Variants in GSTCD observed in about 807,000 individuals in gnomAD.
GSTCD encodes the protein glutathione S-transferase C-terminal domain containing.
A neutral mutation model predicts 68.3 loss-of-function variants in GSTCD; 44 were observed. That is an observed-to-expected ratio of 0.64 (90% CI 0.51 to 0.83). The LOEUF is 0.83. GSTCD is among the 40% of genes least tolerant of loss of function. GSTCD has a pLI of 0.00. For synonymous variants in GSTCD, 273 were observed against 255.2 expected, an observed-to-expected ratio of 1.07 and a Z score of -0.67; for missense variants, 739 against 735.9, an observed-to-expected ratio of 1.00 and a Z score of -0.05.
Position 105,717,715 on chromosome 4 carries a change from T to A in GSTCD, c.102T>A (p.Thr34=). ...TCTTTCCTCTTCATACATCTGTAAC[T>A]TTATTTCTGTTATCTTACTGTGACT... ...GCIFPLHTSV[T]LFLLSYCDCK... is the part of the protein sequence containing the mutation. Residue 34 remains threonine (T), a synonymous_variant, in exon 2 of 12, where the codon ACT becomes ACA. Coordinates refer to ENST00000515279, the MANE Select transcript of GSTCD (RefSeq NM_001370181.1). 6.2e-7 allele frequency: 1 copy of A among 1,613,550 alleles called. No individual in the cohort carries two copies.
intron 5 of GSTCD, among the ~76,000 whole-genome samples, chr4:105,785,351 TA>T (rs574887720): frequency 7.1e-4 from 106 of 149,638 alleles, no homozygotes; most frequent in African/African-American, 2.4e-3. Context: ...AGCAACAGAT[TA>T]AAAAAAAAAT....
chr4:105,754,808 A>T (rs1215840933), intron 5 of GSTCD, among the ~76,000 whole-genome samples: 1 of 152,078 alleles, frequency 6.6e-6, no homozygotes, highest in Non-Finnish European at 1.5e-5. Context: ...TAACAACTTC[A>T]TTGACTAAAT....
At chr4:105,801,182 G>C (rs1319810478) in intron 5 of GSTCD, among the ~76,000 whole-genome samples, 1 of 152,124 alleles carries the variant, frequency 6.6e-6, no homozygotes, top group Non-Finnish European at 1.5e-5. Flanking sequence ...CCTCAGCTAG[G>C]ACTGCTTCTC....
At chr4:105,732,786 A>G (rs904706775) in intron 5 of GSTCD, among the ~76,000 whole-genome samples, 101 of 151,976 alleles carry the variant, frequency 6.6e-4, no homozygotes, top group African/African-American at 2.3e-3. Context: ...TGATGTTAGG[A>G]TGTCAATTTT....
chr4:105,839,347 G>A (rs1213358856), intron 10 of GSTCD, among the ~76,000 whole-genome samples: 1 of 152,152 alleles, frequency 6.6e-6, no homozygotes, highest in Non-Finnish European at 1.5e-5. Flanking sequence ...AATAAATTGA[G>A]AAAACAGCCC....
In GSTCD at chr4:105,834,596, T is replaced by G. The variant is rs1724037181; in HGVS notation, c.1664+2T>G. ...CTCAAAGTTCAATTTTCCAAAAAGG[T>G]GAGAAATTCAGTGTTCTACATAAGA... On this transcript the variant is annotated splice_donor_variant, in intron 9 of 11. Coordinates refer to ENST00000515279, the MANE Select transcript of GSTCD (RefSeq NM_001370181.1). LOFTEE classifies it high-confidence loss of function. 1 of 1,613,802 alleles carries G rather than the reference T, an allele frequency of 6.2e-7. No individual in the cohort carries two copies. The highest frequency in any genetic ancestry group is 8.5e-7 in the Non-Finnish European group (1 of 1,179,800).
rs115027763 is a variant in GSTCD at position 105,711,523 on chromosome 4, A to G, written c.-22+2507A>G. 8.5e-3 allele frequency among the ~76,000 whole-genome samples: 1,289 copies of G among 152,322 alleles called. 20 individuals are homozygous for G. The highest frequency in any genetic ancestry group is 0.029 in the African/African-American group (1,215 of 41,566). On this transcript the variant is annotated intron_variant, in intron 1 of 11. Coordinates refer to ENST00000515279, the MANE Select transcript of GSTCD (RefSeq NM_001370181.1). ...GGGTTTTGCCCATCAAGGTTTGCATATTTTAATAGTGCCAGTTGATAAGGA... is the reference window on the plus strand; with the variant it reads ...GGGTTTTGCCCATCAAGGTTTGCATGTTTTAATAGTGCCAGTTGATAAGGA...
At chr4:105,819,508 G>T (rs1723171246) in intron 5 of GSTCD, among the ~76,000 whole-genome samples, 1 of 151,540 alleles carries the variant, frequency 6.6e-6, no homozygotes, top group Admixed American at 6.6e-5. Flanking sequence ...ATGAGTATTG[G>T]GCATATAAGT....
intron 5 of GSTCD, among the ~76,000 whole-genome samples, chr4:105,737,025 T>A (rs1328604679): frequency 6.6e-6 from 1 of 152,214 alleles, no homozygotes; most frequent in African/African-American, 2.4e-5. Flanking sequence ...ATATCTTGCC[T>A]ATTGTGAATA....
intron 5 of GSTCD, among the ~76,000 whole-genome samples, chr4:105,742,221 T>C (rs541632775): frequency 6.6e-6 from 1 of 152,328 alleles, no homozygotes; most frequent in African/African-American, 2.4e-5. Context: ...CATCCTCTGC[T>C]CTTACCCATT....
At chr4:105,756,833 A>T (rs1734215340) in intron 5 of GSTCD, among the ~76,000 whole-genome samples, 1 of 152,074 alleles carries the variant, frequency 6.6e-6, no homozygotes, top group South Asian at 2.1e-4. Flanking sequence ...CGTGAGAGTA[A>T]GTTACATGCA....
intron 5 of GSTCD, among the ~76,000 whole-genome samples, chr4:105,751,859 G>A (rs1734020738): frequency 6.6e-6 from 1 of 152,096 alleles, no homozygotes; most frequent in Non-Finnish European, 1.5e-5. Context: ...AAAAATGACT[G>A]AGTGAATGAG....
Position 105,834,485 on chromosome 4 carries a change from G to T in GSTCD, c.1555G>T (p.Ala519Ser). ...IGVALHACGVATDMVIEHCIK... is the reference protein window; with the variant it reads ...IGVALHACGVSTDMVIEHCIK... Reference sequence around the variant, plus strand: ...GGTAGCATTGCATGCTTGTGGAGTGGCAACAGACATGGTGATTGAGCACTG... The same window carrying T: ...GGTAGCATTGCATGCTTGTGGAGTGTCAACAGACATGGTGATTGAGCACTG... The change falls in exon 9 of 12, where the codon GCA becomes TCA. Residue 519 changes from alanine to serine, a missense_variant. Coordinates refer to ENST00000515279, the MANE Select transcript of GSTCD (RefSeq NM_001370181.1). 6.2e-7 allele frequency: 1 copy of T among 1,613,996 alleles called. No individual in the cohort carries two copies.
intron 10 of GSTCD, chr4:105,840,316 G>A (rs761415375): frequency 3.8e-5 from 14 of 371,098 alleles, no homozygotes; most frequent in Non-Finnish European, 6.1e-5. Context: ...CTCTCCTTTC[G>A]TTGATGCCTG....
Position 105,719,182 on chromosome 4 carries a change from TAGTG to T in GSTCD, c.552_555del (p.Glu185LeufsTer54), listed in dbSNP as rs1732776992. The T allele has an allele frequency of 6.2e-7, 1 of 1,613,954 alleles. No homozygotes were observed. The highest frequency in any genetic ancestry group is 2.2e-5 in the East Asian group (1 of 44,888). Reference sequence around the variant, plus strand: ...AAATACTACAGCTAGAGAAAAAGCTTAGTGAGCCTGTTAGAGTGCATAATGATGA... The same window carrying T: ...AAATACTACAGCTAGAGAAAAAGCTTAGCCTGTTAGAGTGCATAATGATGA... On this transcript the variant is annotated frameshift_variant, in exon 3 of 12. Transcript: ENST00000515279. LOFTEE classifies it high-confidence loss of function.
At chr4:105,808,838 A>G (rs1245856413) in intron 5 of GSTCD, among the ~76,000 whole-genome samples, 23 of 152,104 alleles carry the variant, frequency 1.5e-4, no homozygotes, top group Admixed American at 1.4e-3. Context: ...TGGGACATGA[A>G]TCATTCCTTT....
At chr4:105,813,994 T>C (rs1266639585) in intron 5 of GSTCD, among the ~76,000 whole-genome samples, 2 of 152,176 alleles carry the variant, frequency 1.3e-5, no homozygotes, top group Non-Finnish European at 2.9e-5. Flanking sequence ...TAATAAGTGC[T>C]TTAAAAAAAT....
At chr4:105,783,641 C>T (rs548523879) in intron 5 of GSTCD, among the ~76,000 whole-genome samples, 16 of 152,044 alleles carry the variant, frequency 1.1e-4, no homozygotes, top group African/African-American at 3.6e-4. Context: ...GCACTGCACC[C>T]GTTTAACCCT....
chr4:105,808,100 C>G (rs2149265289), intron 5 of GSTCD, among the ~76,000 whole-genome samples: 1 of 152,156 alleles, frequency 6.6e-6, no homozygotes, highest in East Asian at 1.9e-4. Context: ...ATAGACTAGT[C>G]TCAGTCCTTA....
Sources: allele counts gnomAD v4.1 joint callset (sites outside exome capture counted in the v4.1 genomes callset), GRCh38; gene constraint gnomAD v4.1.1; transcripts MANE v1.5; gene names NCBI Gene and HGNC (gene_info 2026-07-23, HGNC 2026-07-21).